ETFA: variants seen among roughly 807,000 people sequenced by gnomAD.
The protein encoded by ETFA is electron transfer flavoprotein subunit alpha, mitochondrial.
A neutral mutation model predicts 46.2 loss-of-function variants in ETFA; 22 were observed. That is an observed-to-expected ratio of 0.48 (90% confidence interval 0.34 to 0.68). ETFA has a LOEUF of 0.68. Among genes scored for constraint, ETFA ranks in the 30% least tolerant of loss-of-function variants. The probability of loss-of-function intolerance (pLI) is 0.01; values close to 1 mark genes in which losing one functional copy is unlikely to be tolerated. For missense variants in ETFA, 345 were observed against 401.1 expected (o/e 0.86, Z 1.19); for synonymous variants, 131 against 139.9 (o/e 0.94, Z 0.45).
intron 10 of ETFA, among the ~76,000 whole-genome samples, chr15:76,226,604 C>T (rs902947374): frequency 1.3e-5 from 2 of 151,788 alleles, no homozygotes; most frequent in African/African-American, 4.8e-5. Flanking sequence ...ATAGGCCGGG[C>T]ACGGTGGCTC....
chr15:76,249,162 CTT>C (rs1301688297), intron 9 of ETFA, among the ~76,000 whole-genome samples: 5 of 140,836 alleles, frequency 3.6e-5, no homozygotes, highest in Non-Finnish European at 6.1e-5. Context: ...GAGTTTCTCT[CTT>C]GTTGCCCAGG....
intron 4 of ETFA, 135 bp downstream of exon 4, chr15:76,292,296 A>G (rs2039772288): frequency 1.4e-6 from 1 of 719,512 alleles, no homozygotes; most frequent in Admixed American, 2.2e-5. Flanking sequence ...GAAAGAATAA[A>G]TTTTAGCAAA....
chr15:76,229,605 T>A (rs1218362256), intron 10 of ETFA, among the ~76,000 whole-genome samples: 4 of 152,198 alleles, frequency 2.6e-5, no homozygotes, highest in Non-Finnish European at 5.9e-5. Context: ...AGTTTCTTTC[T>A]TTTATTTATT....
At chr15:76,249,372 T>G (rs2039273891) in intron 9 of ETFA, among the ~76,000 whole-genome samples, 1 of 151,226 alleles carries the variant, frequency 6.6e-6, no homozygotes, top group Non-Finnish European at 1.5e-5. Context: ...AGGTGATCCT[T>G]GCACCTCGGC....
chr15:76,257,173 C>T (rs1015410448), intron 9 of ETFA, among the ~76,000 whole-genome samples: 1 of 152,110 alleles, frequency 6.6e-6, no homozygotes, highest in Non-Finnish European at 1.5e-5. Context: ...TCCAGAGGTT[C>T]CCCCACCAAG....
chr15:76,215,471 A>C lies in ETFA; in HGVS notation c.*1088T>G, dbSNP rs2038888663. On this transcript the variant is annotated 3_prime_UTR_variant, in exon 12 of 12. Coordinates refer to ENST00000557943, the MANE Select transcript of ETFA (RefSeq NM_000126.4). ...CAAAGGCACTCTAGCCACCTCCATCACTTATCACTTCCCTTCTCTTCCCTA... is the reference window on the plus strand; with the variant it reads ...CAAAGGCACTCTAGCCACCTCCATCCCTTATCACTTCCCTTCTCTTCCCTA... 1 of 151,942 alleles carries C rather than the reference A, an allele frequency of 6.6e-6. No homozygotes were observed. Among genetic ancestry groups the C allele is most frequent in the Non-Finnish European group, 1.5e-5 (1 of 68,012 alleles). 9.4% of individuals were successfully genotyped at this position (151,942 alleles called of 1,614,324 possible).
intron 9 of ETFA, among the ~76,000 whole-genome samples, chr15:76,270,556 T>C (rs142681001): frequency 6.6e-6 from 1 of 152,344 alleles, no homozygotes; most frequent in African/African-American, 2.4e-5. Context: ...GACATTTCAA[T>C]AGCAATGAAC....
chr15:76,263,736 G>C (rs2039442966), intron 9 of ETFA, among the ~76,000 whole-genome samples: 1 of 152,204 alleles, frequency 6.6e-6, no homozygotes, highest in Non-Finnish European at 1.5e-5. Flanking sequence ...TAGCTCCTGA[G>C]CCATTTCAAA....
At chr15:76,297,666 G>C (rs1219467819) in intron 1 of ETFA, among the ~76,000 whole-genome samples, 2 of 152,106 alleles carry the variant, frequency 1.3e-5, no homozygotes, top group African/African-American at 4.8e-5. Context: ...TCCAACTGGA[G>C]ATTATATATA....
intron 10 of ETFA, among the ~76,000 whole-genome samples, chr15:76,227,314 C>T (rs374213588): frequency 3.3e-5 from 5 of 151,922 alleles, no homozygotes; most frequent in East Asian, 3.9e-4. Context: ...GTCAGGAGTT[C>T]GAGACCAGCC....
chr15:76,274,113 A>C (rs2039569454), intron 9 of ETFA: 1 of 365,054 alleles, frequency 2.7e-6, no homozygotes, highest in African/African-American at 2.1e-5. Flanking sequence ...TGAACTTATA[A>C]ATCTGAGTTG....
At chr15:76,232,973 G>C (rs1025641062) in intron 9 of ETFA, among the ~76,000 whole-genome samples, 1 of 152,180 alleles carries the variant, frequency 6.6e-6, no homozygotes, top group Non-Finnish European at 1.5e-5. Context: ...ACCTGGAAAA[G>C]GAAACAATCT....
At chr15:76,308,367 G>A (rs1034157431) in intron 1 of ETFA, among the ~76,000 whole-genome samples, 3 of 152,114 alleles carry the variant, frequency 2.0e-5, no homozygotes, top group Non-Finnish European at 2.9e-5. Context: ...TGACAGTGGA[G>A]AAACCTGGCA....
In ETFA at chr15:76,304,960, G is replaced by A. The variant is rs143238498; in HGVS notation, c.39+6390C>T. On this transcript the variant is annotated intron_variant, in intron 1 of 11. Coordinates refer to ENST00000557943, the MANE Select transcript of ETFA (RefSeq NM_000126.4). ...TGGGAGGCTGAGGCAGATGAATGGC[G>A]TGAACCCAGGCAGCAGAGGCTGCAG... Among the ~76,000 whole-genome samples the A allele has an allele frequency of 3.6e-3, 546 of 151,492 alleles. 3 individuals are homozygous for A. The highest frequency in any genetic ancestry group is 0.012 in the African/African-American group (508 of 41,288).
chr15:76,259,671 T>C, intron 9 of ETFA: 1 of 1,006,496 alleles, frequency 9.9e-7, no homozygotes, highest in Non-Finnish European at 1.6e-6. Flanking sequence ...GTAGCCCCGC[T>C]GTAGATCTTC....
chr15:76,258,249 A>ACTC (rs1242074019), intron 9 of ETFA, among the ~76,000 whole-genome samples: 1 of 151,884 alleles, frequency 6.6e-6, no homozygotes, highest in African/African-American at 2.4e-5. Context: ...GGGCTCCTGA[A>ACTC]CTCCTCTCCA....
chr15:76,257,388 AT>A (rs2141488895), intron 9 of ETFA, among the ~76,000 whole-genome samples: 1 of 152,352 alleles, frequency 6.6e-6, no homozygotes, highest in South Asian at 2.1e-4. Flanking sequence ...AAAAGAAGAC[AT>A]TTATGCAGCC....
At chr15:76,295,123 C>CAAA (rs2039804712) in intron 2 of ETFA, among the ~76,000 whole-genome samples, 1 of 152,176 alleles carries the variant, frequency 6.6e-6, no homozygotes, top group Non-Finnish European at 1.5e-5. Flanking sequence ...ACAACAACAA[C>CAAA]AAACAAACCC....
Position 76,257,133 on chromosome 15 carries a change from T to C in ETFA, c.816+17279A>G, listed in dbSNP as rs1227389513. Among the ~76,000 whole-genome samples the C allele has an allele frequency of 2.6e-5, 4 of 152,192 alleles. No homozygotes were observed. The East Asian group carries it at 7.7e-4, about 29-fold the overall frequency. The stretch of plus-strand genomic sequence containing the variant: ...AACAGCAACTAACAGCTTGGAAATG[T>C]CCCTAACAGTTAGGACCCGCCCCAT... On this transcript the variant is annotated intron_variant, in intron 9 of 11. Coordinates refer to ENST00000557943, the MANE Select transcript of ETFA (RefSeq NM_000126.4).
Sources: allele counts gnomAD v4.1 joint callset (sites outside exome capture counted in the v4.1 genomes callset), GRCh38; gene constraint gnomAD v4.1.1; transcripts MANE v1.5; gene names NCBI Gene and HGNC (gene_info 2026-07-23, HGNC 2026-07-21).